The following PTPN14 variants were observed in gnomAD, a reference collection of about 807,000 sequenced individuals.
PTPN14 encodes tyrosine-protein phosphatase non-receptor type 14.
In PTPN14, 53 loss-of-function variants were observed where a neutral mutation model predicts 126.8. That is an observed-to-expected ratio of 0.42 (90% CI 0.34 to 0.53). The LOEUF (loss-of-function observed/expected upper bound fraction) is 0.53, where lower values mean the gene tolerates loss of function less well. Among genes scored for constraint, PTPN14 ranks in the 20% least tolerant of loss-of-function variants. The pLI is 0.08. For synonymous variants in PTPN14, 630 were observed against 599.3 expected, an observed-to-expected ratio of 1.05 and a Z score of -0.75; for missense variants, 1,257 against 1,552.9, an observed-to-expected ratio of 0.81 and a Z score of 3.20.
At position 214,402,936 on chromosome 1, in the gene PTPN14, C is replaced by T; in HGVS notation, c.528G>A (p.Glu176=). The T allele has an allele frequency of 6.2e-7, 1 of 1,614,016 alleles. No individual in the cohort carries two copies. The highest frequency in any genetic ancestry group is 8.5e-7 in the Non-Finnish European group (1 of 1,179,984). The change falls in exon 6 of 19, where the codon GAG becomes GAA. Residue 176 remains glutamate (E), a synonymous_variant. Coordinates refer to ENST00000366956, the MANE Select transcript of PTPN14 (RefSeq NM_005401.5). ...TCTGGGTCAGCTCCTCCAGAACAGCCTCTTCCAGGGCCAAATCCTATAAGA... is the reference window on the plus strand; with the variant it reads ...TCTGGGTCAGCTCCTCCAGAACAGCTTCTTCCAGGGCCAAATCCTATAAGA... ...VLFPMDLALE[E]AVLEELTQKV...
intron 1 of PTPN14, among the ~76,000 whole-genome samples, chr1:214,470,078 C>T (rs1381316594): frequency 6.6e-6 from 1 of 151,786 alleles, no homozygotes; most frequent in African/African-American, 2.4e-5. Flanking sequence ...CTTGAGTCCA[C>T]GAATTCAAGA....
intron 1 of PTPN14, among the ~76,000 whole-genome samples, chr1:214,546,306 T>C (rs948552902): frequency 3.3e-5 from 5 of 152,314 alleles, no homozygotes; most frequent in Admixed American, 2.0e-4. Context: ...TCACTGGAGG[T>C]TGACAATCTA....
At chr1:214,546,571 C>T (rs1291996535) in intron 1 of PTPN14, among the ~76,000 whole-genome samples, 2 of 152,160 alleles carry the variant, frequency 1.3e-5, no homozygotes, top group Non-Finnish European at 2.9e-5. Context: ...CAGTTCAGCA[C>T]TAAAATCTCA....
rs58372033 is a variant in PTPN14, at chr1:214,355,959, C to CTTTTTTTTTTTTTTTTTTT, written c.*1962_*1963insAAAAAAAAAAAAAAAAAAA. The CTTTTTTTTTTTTTTTTTTT allele has an allele frequency of 1.4e-4, 14 of 101,652 alleles. No individual in the cohort carries two copies. The South Asian group carries it at 4.3e-3, about 31-fold the overall frequency. The allele number at this position is 101,652 out of a possible 1,614,324, so 6.3% of individuals were successfully genotyped here. A position where few individuals can be genotyped will look rare whatever the true frequency, so the allele number is the denominator to read the frequency against. On this transcript the variant is annotated 3_prime_UTR_variant, in exon 19 of 19. Transcript: ENST00000366956. ...TAGTTTTTCTTGACAACCTTTTTTC[C>CTTTTTTTTTTTTTTTTTTT]TTTTTTTTTTTTTTTTTTGGAGGCA... is the stretch of plus-strand genomic sequence containing the variant.
intron 1 of PTPN14, among the ~76,000 whole-genome samples, chr1:214,483,875 T>G (rs1661056807): frequency 6.6e-6 from 1 of 152,228 alleles, no homozygotes; most frequent in Non-Finnish European, 1.5e-5. Flanking sequence ...AGAGATGGGC[T>G]TATTTAACAG....
intron 3 of PTPN14, among the ~76,000 whole-genome samples, chr1:214,440,823 T>C (rs529266908): frequency 3.3e-4 from 50 of 152,312 alleles, no homozygotes; most frequent in African/African-American, 1.2e-3. Context: ...ATTAACTCCC[T>C]AGGGAGTGGA....
chr1:214,488,090 G>C (rs1386522660), intron 1 of PTPN14, among the ~76,000 whole-genome samples: 1 of 152,024 alleles, frequency 6.6e-6, no homozygotes, highest in Non-Finnish European at 1.5e-5. Flanking sequence ...AGAAAGCAAG[G>C]GTCCTATACA....
Position 214,451,895 on chromosome 1 carries a change from T to A in PTPN14, c.254A>T (p.His85Leu). The A allele has an allele frequency of 7.4e-6, 12 of 1,614,246 alleles. No homozygotes were observed. The highest frequency in any genetic ancestry group is 1.0e-5 in the Non-Finnish European group (12 of 1,180,048). ...AGGCTCATTAGCGAATTTGTCCAGATGTTTCTTCAGAGGTTTCTCCAGCTC... is the reference window on the plus strand; with the variant it reads ...AGGCTCATTAGCGAATTTGTCCAGAAGTTTCTTCAGAGGTTTCTCCAGCTC... ...WVELEKPLKK[H>L]LDKFANEPLL... The change falls in exon 3 of 19, where the codon CAT becomes CTT. Residue 85 changes from histidine to leucine, a missense_variant. By Grantham distance (99) the His-to-Leu change is moderately conservative. Transcript: ENST00000366956.
At chr1:214,460,626 TACAC>T (rs772719633) in intron 2 of PTPN14, among the ~76,000 whole-genome samples, 1 of 7,676 alleles carries the variant, frequency 1.3e-4, no homozygotes, top group South Asian at 3.0e-3. Flanking sequence ...CACACACACA[TACAC>T]ACACACACAT....
rs1052486920 is a variant in PTPN14, at chr1:214,354,348, G to A, written c.*3574C>T. The A allele has an allele frequency of 3.9e-5, 6 of 152,180 alleles. No individual in the cohort carries two copies. Among genetic ancestry groups the A allele is most frequent in the African/African-American group, 1.4e-4 (6 of 41,452 alleles). The allele number at this position is 152,180 out of a possible 1,614,324, so 9.4% of individuals were successfully genotyped here. On this transcript the variant is annotated 3_prime_UTR_variant, in exon 19 of 19. Transcript: ENST00000366956. Reference sequence around the variant, plus strand: ...CTGATCTTATTGTTTAGCTCCGACTGAATATTGCAGCTCATTCATCTTTAC... The same window carrying A: ...CTGATCTTATTGTTTAGCTCCGACTAAATATTGCAGCTCATTCATCTTTAC...
intron 1 of PTPN14, chr1:214,532,861 GC>G: frequency 1.9e-6 from 2 of 1,037,410 alleles, no homozygotes; most frequent in Non-Finnish European, 3.0e-6. Flanking sequence ...AGCCCAGATT[GC>G]CAGCTCTGGG....
At chr1:214,466,272 T>G (rs1446756049) in intron 1 of PTPN14, among the ~76,000 whole-genome samples, 3 of 97,392 alleles carry the variant, frequency 3.1e-5, no homozygotes, top group Non-Finnish European at 5.7e-5. Flanking sequence ...AGTTACTTCC[T>G]TTTTTTTTTT....
chr1:214,476,779 G>T (rs1185477054), intron 1 of PTPN14, among the ~76,000 whole-genome samples: 2 of 152,176 alleles, frequency 1.3e-5, no homozygotes, highest in Non-Finnish European at 2.9e-5. Context: ...CTAACATGGG[G>T]ATGAAAACAG....
chr1:214,389,546 G>T (rs925808451), intron 11 of PTPN14, among the ~76,000 whole-genome samples: 1 of 152,198 alleles, frequency 6.6e-6, no homozygotes. Context: ...CTCACTCATT[G>T]TAAGAAACTC....
chr1:214,451,015 C>T (rs963511677), intron 3 of PTPN14, among the ~76,000 whole-genome samples: 4 of 152,190 alleles, frequency 2.6e-5, no homozygotes, highest in African/African-American at 4.8e-5. Context: ...CTCCTGCTCT[C>T]GCAACATTTT....
At chr1:214,468,661 T>A (rs1004289750) in intron 1 of PTPN14, among the ~76,000 whole-genome samples, 1 of 152,184 alleles carries the variant, frequency 6.6e-6, no homozygotes, top group Non-Finnish European at 1.5e-5. Context: ...TAACAGTTGT[T>A]GAATCTGTGA....
chr1:214,366,833 A>C (rs1025393415), intron 17 of PTPN14, among the ~76,000 whole-genome samples: 1 of 152,052 alleles, frequency 6.6e-6, no homozygotes, highest in African/African-American at 2.4e-5. Flanking sequence ...AATACAAAAA[A>C]TTAGCCAGGC....
intron 1 of PTPN14, among the ~76,000 whole-genome samples, chr1:214,513,620 G>A (rs1655029850): frequency 6.6e-6 from 1 of 152,068 alleles, no homozygotes; most frequent in African/African-American, 2.4e-5. Flanking sequence ...TAGCCCCATA[G>A]GCATTTGGAT....
rs150867124 is a variant in PTPN14, at chr1:214,508,759, A to G, written c.-155+42424T>C. 3.0e-3 allele frequency among the ~76,000 whole-genome samples: 456 copies of G among 152,360 alleles called. 2 individuals are homozygous for G. The highest frequency in any genetic ancestry group is 0.01 in the African/African-American group (434 of 41,576). On this transcript the variant is annotated intron_variant, in intron 1 of 18. Coordinates refer to ENST00000366956, the MANE Select transcript of PTPN14 (RefSeq NM_005401.5). ...CCTTAAAAAATGTAGTTCTTAAATA[A>G]TAAGACTTGAAAGTCGAAATTACTC...
Sources: gnomAD v4.1 joint callset for allele counts (sites outside exome capture counted in the v4.1 genomes callset) on GRCh38, gnomAD v4.1.1 for gene constraint, MANE v1.5 for transcripts, NCBI Gene and HGNC (gene_info 2026-07-23, HGNC 2026-07-21) for gene names.